The following TRAPPC9 variants were observed in gnomAD, a reference collection of about 807,000 sequenced individuals.
The protein encoded by TRAPPC9 is trafficking protein particle complex subunit 9.
Under a neutral mutation model 124.0 loss-of-function variants are expected in TRAPPC9, and 83 were observed. That is an observed-to-expected ratio of 0.67 (90% CI 0.56 to 0.80). The LOEUF is 0.80. TRAPPC9 is among the 30% of genes least tolerant of loss of function. TRAPPC9 has a pLI of 0.00. For missense variants in TRAPPC9, 1,302 were observed against 1,508.3 expected (o/e 0.86, Z 2.27); for synonymous variants, 638 against 617.5 (o/e 1.03, Z -0.49).
At chr8:140,428,134 C>G (rs553745631) in intron 4 of TRAPPC9, among the ~76,000 whole-genome samples, 1 of 152,116 alleles carries the variant, frequency 6.6e-6, no homozygotes, top group South Asian at 2.1e-4. Context: ...CTGTGAAGAA[C>G]CTGGCCAAAT....
intron 2 of TRAPPC9, among the ~76,000 whole-genome samples, chr8:140,439,608 C>T (rs1167098644): frequency 1.3e-5 from 2 of 152,134 alleles, no homozygotes; most frequent in Non-Finnish European, 2.9e-5. Flanking sequence ...TCTTATTAGC[C>T]AACCATTTGG....
intron 21 of TRAPPC9, among the ~76,000 whole-genome samples, chr8:139,875,358 C>A (rs13254009): frequency 6.6e-6 from 1 of 151,968 alleles, no homozygotes; most frequent in African/African-American, 2.4e-5. Flanking sequence ...AAGGAGACTG[C>A]GCCTGAAACA....
chr8:140,283,374 A>G (rs929559584), intron 14 of TRAPPC9, among the ~76,000 whole-genome samples: 11 of 131,776 alleles, frequency 8.3e-5, no homozygotes, highest in African/African-American at 1.2e-4. Flanking sequence ...GGCTCACTGC[A>G]AGCTCCGCCT....
chr8:140,019,851 C>T (rs1028733237), intron 18 of TRAPPC9, among the ~76,000 whole-genome samples: 5 of 151,624 alleles, frequency 3.3e-5, no homozygotes, highest in Non-Finnish European at 5.9e-5. Flanking sequence ...CACGCCTGGC[C>T]GTCATTTTTC....
intron 17 of TRAPPC9, chr8:140,040,828 G>A (rs1409355159): frequency 6.6e-6 from 1 of 152,232 alleles, no homozygotes; most frequent in Non-Finnish European, 1.5e-5. Flanking sequence ...CTGAGCCACG[G>A]GGAGGCCCAA....
At chr8:140,037,476 C>A (rs1563711014) in intron 17 of TRAPPC9, among the ~76,000 whole-genome samples, 2 of 152,040 alleles carry the variant, frequency 1.3e-5, no homozygotes, top group African/African-American at 4.8e-5. Flanking sequence ...CATCACTGGC[C>A]CCAATTGCCC....
At chr8:140,346,323 G>A (rs1056742436) in intron 9 of TRAPPC9, among the ~76,000 whole-genome samples, 9 of 152,116 alleles carry the variant, frequency 5.9e-5, no homozygotes, top group East Asian at 1.9e-4. Flanking sequence ...CTGGGATTAC[G>A]CACAGTACCC....
At chr8:140,201,062 G>A (rs907202790) in intron 17 of TRAPPC9, among the ~76,000 whole-genome samples, 8 of 152,150 alleles carry the variant, frequency 5.3e-5, no homozygotes, top group East Asian at 3.9e-4. Context: ...CTATTCTAAC[G>A]CCGGATGCAG....
chr8:140,113,676 C>A (rs1045269033), intron 17 of TRAPPC9, among the ~76,000 whole-genome samples: 6 of 152,162 alleles, frequency 3.9e-5, no homozygotes, highest in Non-Finnish European at 7.4e-5. Flanking sequence ...CTTCCACTTC[C>A]TACGCCCCAA....
chr8:140,442,063 T>A (rs1009463367), intron 2 of TRAPPC9, among the ~76,000 whole-genome samples: 2 of 152,166 alleles, frequency 1.3e-5, no homozygotes, highest in African/African-American at 4.8e-5. Context: ...AATTATTACA[T>A]CTTCACATGA....
intron 17 of TRAPPC9, among the ~76,000 whole-genome samples, chr8:140,024,873 C>T (rs2131929699): frequency 6.6e-6 from 1 of 152,286 alleles, no homozygotes; most frequent in South Asian, 2.1e-4. Context: ...GTCACTTGGG[C>T]TGACAGTGAG....
At chr8:139,891,183 C>T (rs1002487428) in intron 20 of TRAPPC9, among the ~76,000 whole-genome samples, 31 of 152,226 alleles carry the variant, frequency 2.0e-4, no homozygotes, top group Non-Finnish European at 4.1e-4. Flanking sequence ...TGTTTTTCTT[C>T]CTTTGAACCC....
intron 17 of TRAPPC9, among the ~76,000 whole-genome samples, chr8:140,135,792 G>A (rs193135434): frequency 6.6e-5 from 10 of 152,166 alleles, no homozygotes; most frequent in South Asian, 4.1e-4. Context: ...TACAAATGTC[G>A]CAATACAATT....
chr8:140,367,455 A>G (rs1250556456), intron 8 of TRAPPC9, among the ~76,000 whole-genome samples: 1 of 152,234 alleles, frequency 6.6e-6, no homozygotes, highest in African/African-American at 2.4e-5. Context: ...TATATTACTA[A>G]GAGAAAGAAG....
chr8:140,043,295 C>G (rs984381873), intron 17 of TRAPPC9, among the ~76,000 whole-genome samples: 2 of 152,340 alleles, frequency 1.3e-5, no homozygotes, highest in African/African-American at 4.8e-5. Context: ...TAACAAACAT[C>G]TCTTGTACAC....
chr8:140,262,039 AC>A (rs2064436379), intron 15 of TRAPPC9, among the ~76,000 whole-genome samples: 1 of 152,120 alleles, frequency 6.6e-6, no homozygotes. Flanking sequence ...AAATCCACAC[AC>A]TGATTCTCTG....
At chr8:140,080,378 T>C (rs766150024) in intron 17 of TRAPPC9, among the ~76,000 whole-genome samples, 2 of 152,182 alleles carry the variant, frequency 1.3e-5, no homozygotes, top group Non-Finnish European at 2.9e-5. Flanking sequence ...GTGTGGGTAA[T>C]GCGTAAAGAA....
chr8:139,862,480 G>C (rs887017330), intron 21 of TRAPPC9, among the ~76,000 whole-genome samples: 2 of 152,232 alleles, frequency 1.3e-5, no homozygotes, highest in African/African-American at 4.8e-5. Flanking sequence ...AAAGGTCAGG[G>C]GCTGTCTTTG....
At chr8:140,289,086 G>A (rs1299833933) in intron 12 of TRAPPC9, among the ~76,000 whole-genome samples, 1 of 152,150 alleles carries the variant, frequency 6.6e-6, no homozygotes, top group Non-Finnish European at 1.5e-5. Context: ...CGTGAACAGG[G>A]CAGATGCTAC....
Sources: gnomAD v4.1 joint callset for allele counts (sites outside exome capture counted in the v4.1 genomes callset) on GRCh38, gnomAD v4.1.1 for gene constraint, MANE v1.5 for transcripts, NCBI Gene and HGNC (gene_info 2026-07-23, HGNC 2026-07-21) for gene names.